FGFR3: variants seen among roughly 807,000 people sequenced by gnomAD.
FGFR3 encodes FGFR-3.
Under a neutral mutation model 82.9 loss-of-function variants are expected in FGFR3, and 25 were observed. That is an observed-to-expected ratio of 0.30 (90% CI 0.22 to 0.42). The LOEUF (loss-of-function observed/expected upper bound fraction) is 0.42. Among genes scored for constraint, FGFR3 ranks in the 10% least tolerant of loss-of-function variants. The probability of loss-of-function intolerance (pLI) is 1.00; values close to 1 mark genes in which losing one functional copy is unlikely to be tolerated. For missense variants in FGFR3, 1,026 were observed against 1,161.0 expected (o/e 0.88, Z 1.69); for synonymous variants, 620 against 516.0 (o/e 1.20, Z -2.73).
intron 11 of FGFR3, 32 bp from the exon 12 acceptor site, chr4:1,805,527 C>G (rs372361436): frequency 6.2e-7 from 1 of 1,612,642 alleles, no homozygotes; most frequent in Non-Finnish European, 8.5e-7. Context: ...GCGCCGCCGC[C>G]GCCTGACACA....
At chr4:1,803,182 C>G in intron 7 of FGFR3, 1 of 1,215,932 alleles carries the variant, frequency 8.2e-7, no homozygotes, top group South Asian at 2.0e-5. Context: ...TCGCGCTCCA[C>G]TCGGGGCCGC....
chr4:1,805,116 G>A, intron 10 of FGFR3, 147 bp downstream of exon 10: 1 of 1,330,000 alleles, frequency 7.5e-7, no homozygotes, highest in Non-Finnish European at 1.0e-6. Context: ...AGATGCTCCT[G>A]GGACGGGTGT....
Position 1,807,400 on chromosome 4 carries a change from C to CGT in FGFR3, c.*156_*157dup, listed in dbSNP as rs34562534. On this transcript the variant is annotated 3_prime_UTR_variant, in exon 18 of 18. Transcript: ENST00000440486. ...GCTTTGGTCTGTGTGTGTGTGTGTG[C>CGT]GTGTGTGTGTGTGTGTGTGCACATC... 1.6e-4 allele frequency: 138 copies of CGT among 886,190 alleles called. No individual in the cohort carries two copies. Among genetic ancestry groups the CGT allele is most frequent in the Admixed American group, 2.6e-4 (12 of 46,870 alleles). The allele number at this position is 886,190 out of a possible 1,614,324, so 54.9% of individuals were successfully genotyped here.
At chr4:1,796,955 G>C (rs1330219918) in intron 2 of FGFR3, among the ~76,000 whole-genome samples, 2 of 152,172 alleles carry the variant, frequency 1.3e-5, no homozygotes, top group Non-Finnish European at 2.9e-5. Context: ...GCAGAGGGCT[G>C]TCGTTGGCAT....
chr4:1,806,820 TG>T lies in FGFR3; in HGVS notation c.2169-8del. 4 of 1,598,046 alleles carry T rather than the reference TG, an allele frequency of 2.5e-6. No individual in the cohort carries two copies. The highest frequency in any genetic ancestry group is 3.4e-6 in the Non-Finnish European group (4 of 1,173,278). The stretch of plus-strand genomic sequence containing the variant: ...CGGCGGGGCTCACTCCTGAGCGCCC[TG>T]CCCGCAGGTACATGATCATGCGGGA... On this transcript the variant is annotated splice_polypyrimidine_tract_variant and splice_region_variant and intron_variant, in intron 16 of 17. Coordinates refer to ENST00000440486, the MANE Select transcript of FGFR3 (RefSeq NM_000142.5).
At position 1,805,436 on chromosome 4, in the gene FGFR3, G is replaced by A. The variant is rs763229229; in HGVS notation, c.1494G>A (p.Arg498=). 6.2e-7 allele frequency: 1 copy of A among 1,611,834 alleles called. No homozygotes were observed. Among genetic ancestry groups the A allele is most frequent in the Non-Finnish European group, 8.5e-7 (1 of 1,179,374 alleles). Residue 498 remains arginine, a synonymous_variant, in exon 11 of 18, where the codon CGG becomes CGA. Coordinates refer to ENST00000440486, the MANE Select transcript of FGFR3 (RefSeq NM_000142.5). ...AGGCCATCGGCATTGACAAGGACCG[G>A]GCCGCCAAGCCTGTCACCGTAGCCG... ...MAEAIGIDKD[R]AAKPVTVAVK... is the part of the protein sequence containing the mutation.
chr4:1,794,035 G>A lies in FGFR3; in HGVS notation c.101G>A (p.Arg34Gln). The change falls in exon 2 of 18, where the codon CGA (arginine) becomes CAA (glutamine). Residue 34 changes from arginine to glutamine, a missense_variant. Physicochemically the swap from Arg to Gln is conservative, Grantham distance 43. This residue lies in a region of FGFR3 where 226 missense variants were observed against 222.0 expected (regional missense o/e 1.02). Transcript: ENST00000440486. Reference sequence around the variant, plus strand: ...GGGACGGAGCAGCGCGTCGTGGGGCGAGCGGCAGGTAAGAAGGGACCCACT... The same window carrying A: ...GGGACGGAGCAGCGCGTCGTGGGGCAAGCGGCAGGTAAGAAGGGACCCACT... ...SLGTEQRVVG[R>Q]AAEVPGPEPG... The A allele has an allele frequency of 7.1e-7, 1 of 1,406,672 alleles. No individual in the cohort carries two copies. The highest frequency in any genetic ancestry group is 1.9e-4 in the Middle Eastern group (1 of 5,384). 87.1% of individuals were successfully genotyped at this position (1,406,672 alleles called of 1,614,324 possible).
intron 7 of FGFR3, chr4:1,803,174 G>A (rs1384685449): frequency 5.2e-5 from 67 of 1,276,512 alleles, no homozygotes; most frequent in South Asian, 5.1e-4. Context: ...GCCCCGGCTC[G>A]CGCTCCACTC....
At position 1,799,230 on chromosome 4, in the gene FGFR3, C is replaced by T. The variant is rs886220935; in HGVS notation, c.110-24C>T. On this transcript the variant is annotated intron_variant, in intron 2 of 17. Transcript: ENST00000440486. Reference sequence around the variant, plus strand: ...GTGCCGGGTTTGGGGGTGCCTGCCTCATGGTTGCCCATCTTCCCCACAGAA... The same window carrying T: ...GTGCCGGGTTTGGGGGTGCCTGCCTTATGGTTGCCCATCTTCCCCACAGAA... 2.5e-6 allele frequency: 4 copies of T among 1,611,652 alleles called. No homozygotes were observed. The African/African-American group carries it at 4.0e-5, about 16-fold the overall frequency.
rs1317967611 is a variant in FGFR3 at position 1,801,822 on chromosome 4, T to A, written c.740-13T>A. On this transcript the variant is annotated splice_polypyrimidine_tract_variant and intron_variant, in intron 6 of 17. Transcript: ENST00000440486. ...GGGAGGGGGTGGCCCCTGAGCGTCA[T>A]CTGCCCCCACAGAGCGCTCCCCGCA... 6.2e-7 allele frequency: 1 copy of A among 1,604,326 alleles called. No homozygotes were observed.
In FGFR3 at chr4:1,807,233, C is replaced by T. The variant is rs1354467074; in HGVS notation, c.2392C>T (p.Pro798Ser). The T allele has an allele frequency of 1.2e-6, 2 of 1,607,668 alleles. No homozygotes were observed. The highest frequency in any genetic ancestry group is 1.7e-6 in the Non-Finnish European group (2 of 1,178,220). Residue 798 changes from proline to serine, a missense_variant, in exon 18 of 18, where the codon CCA becomes TCA. Physicochemically the swap from Pro to Ser is moderately conservative, Grantham distance 74. Around this residue, in one of 9 missense-constraint regions of FGFR3, gnomAD observed 155 missense variants for 150.2 expected, o/e 1.03. Coordinates refer to ENST00000440486, the MANE Select transcript of FGFR3 (RefSeq NM_000142.5). ...TGCCCACGACCTGCTGCCCCCGGCC[C>T]CACCCAGCAGTGGGGGCTCGCGGAC... ...VFAHDLLPPA[P>S]PSSGGSRT
rs777997357 is a variant in FGFR3, at chr4:1,793,925, C to T, written c.-10C>T. 8.8e-6 allele frequency: 11 copies of T among 1,256,704 alleles called. No individual in the cohort carries two copies. In the South Asian group the frequency reaches 2.8e-4, roughly 31 times the overall value. The allele number at this position is 1,256,704 out of a possible 1,614,324, so 77.8% of individuals were successfully genotyped here. A position where few individuals can be genotyped will look rare whatever the true frequency, so the allele number is the denominator to read the frequency against. ...CGCTGCCTGAGGACGCCGCGGCCCC[C>T]GCCCCCGCCATGGGCGCCCCTGCCT... is the stretch of plus-strand genomic sequence containing the variant. On this transcript the variant is annotated 5_prime_UTR_variant, in exon 2 of 18. Transcript: ENST00000440486.
intron 7 of FGFR3, among the ~76,000 whole-genome samples, chr4:1,802,434 C>T (rs527303708): frequency 6.6e-6 from 1 of 152,206 alleles, no homozygotes; most frequent in African/African-American, 2.4e-5. Context: ...TGCAGTGGGG[C>T]CCGAGCTCAC....
rs546526332 is a variant in FGFR3 at position 1,808,390 on chromosome 4, T to C, written c.*1128T>C. The C allele has an allele frequency of 1.3e-5, 3 of 232,364 alleles. No homozygotes were observed. Among genetic ancestry groups the C allele is most frequent in the Non-Finnish European group, 2.6e-5 (3 of 117,382 alleles). 14.4% of individuals were successfully genotyped at this position (232,364 alleles called of 1,614,324 possible). A position where few individuals can be genotyped will look rare whatever the true frequency, so the allele number is the denominator to read the frequency against. Reference sequence around the variant, plus strand: ...ATTAGATTTCTATAGGATTTTTCTTTAGGAGATTTATTTTTTGGACTTCAA... The same window carrying C: ...ATTAGATTTCTATAGGATTTTTCTTCAGGAGATTTATTTTTTGGACTTCAA... On this transcript the variant is annotated 3_prime_UTR_variant, in exon 18 of 18. Transcript: ENST00000440486.
intron 7 of FGFR3, chr4:1,802,850 C>T: frequency 6.6e-7 from 1 of 1,525,088 alleles, no homozygotes. Flanking sequence ...TCTCCCACAT[C>T]CTGCCTCGTG....
In FGFR3 at chr4:1,801,858, C is replaced by T. The variant is rs2108783476; in HGVS notation, c.763C>T (p.Leu255=). Residue 255 remains leucine, a synonymous_variant, in exon 7 of 18, where the codon CTG becomes TTG. Transcript: ENST00000440486. ...VLERSPHRPI[L]QAGLPANQTA... ...AGAGCGCTCCCCGCACCGGCCCATC[C>T]TGCAGGCGGGGCTGCCGGCCAACCA... 1 of 1,609,238 alleles carries T rather than the reference C, an allele frequency of 6.2e-7. No homozygotes were observed. Among genetic ancestry groups the T allele is most frequent in the Non-Finnish European group, 8.5e-7 (1 of 1,177,538 alleles).
rs569462075 is a variant in FGFR3, at chr4:1,806,859, C to T, written c.2199C>T (p.Ala733=). 1.5e-5 allele frequency: 24 copies of T among 1,611,032 alleles called. No individual in the cohort carries two copies. The East Asian group carries it at 1.6e-4, about 10-fold the overall frequency. Residue 733 remains alanine (A), a synonymous_variant, in exon 17 of 18, where the codon GCC becomes GCT. Transcript: ENST00000440486. The part of the protein sequence containing the change: ...LYMIMRECWH[A]APSQRPTFKQ... ...TGATCATGCGGGAGTGCTGGCATGC[C>T]GCGCCCTCCCAGAGGCCCACCTTCA... is the stretch of plus-strand genomic sequence containing the variant.
chr4:1,804,287 G>GT lies in FGFR3; in HGVS notation c.1076-43_1076-42insT, dbSNP rs748594583. 4.9e-6 allele frequency: 7 copies of GT among 1,430,696 alleles called. No homozygotes were observed. In the African/African-American group the frequency reaches 9.2e-5, roughly 19 times the overall value. The allele number at this position is 1,430,696 out of a possible 1,614,324, so 88.6% of individuals were successfully genotyped here. On this transcript the variant is annotated intron_variant, in intron 8 of 17. Coordinates refer to ENST00000440486, the MANE Select transcript of FGFR3 (RefSeq NM_000142.5). ...CAGGGGCATCCATGGGAGCCCCGTG[G>GT]GGGGGGGGGCCAGGCCAGGCCTCAA...
intron 14 of FGFR3, 24 bp downstream of exon 14, chr4:1,806,197 G>A (rs2108807937): frequency 1.2e-6 from 2 of 1,612,604 alleles, no homozygotes; most frequent in Non-Finnish European, 1.7e-6. Flanking sequence ...TGGGGTGCGG[G>A]GGTGGGGGTC....
Sources: gnomAD v4.1 joint callset for allele counts (sites outside exome capture counted in the v4.1 genomes callset) on GRCh38, gnomAD v4.1.1 for gene constraint, gnomAD v4.1.1 regional missense constraint, MANE v1.5 for transcripts, NCBI Gene and HGNC (gene_info 2026-07-23, HGNC 2026-07-21) for gene names.